The following SUPT20H variants were observed in gnomAD, a reference collection of about 807,000 sequenced individuals.
SUPT20H encodes the protein transcription factor SPT20 homolog.
In SUPT20H, 82 loss-of-function variants were observed where a neutral mutation model predicts 122.8. The observed-to-expected ratio is 0.67, with a 90% CI of 0.56 to 0.80. The LOEUF (loss-of-function observed/expected upper bound fraction) is 0.80. SUPT20H is among the 30% of genes least tolerant of loss of function. The pLI is 0.00. For synonymous variants in SUPT20H, 291 were observed against 313.0 expected (o/e 0.93, Z 0.74); for missense variants, 831 against 921.6 (o/e 0.90, Z 1.27).
rs1379777343 is a variant in SUPT20H at position 37,031,878 on chromosome 13, G to T, written c.725C>A (p.Ser242Tyr). ...TTGCTGCCGATTCAGAGAGGATCTG[G>T]AATACCTCTTGAAACACCTGAAATA... Reference protein sequence around the residue: ...RPMKRCFKRYSRSSLNRQQDL... With the variant: ...RPMKRCFKRYYRSSLNRQQDL... The change falls in exon 11 of 26, where the codon TCC (serine) becomes TAC (tyrosine). Residue 242 changes from serine (S) to tyrosine (Y), a missense_variant. Physicochemically the swap from Ser to Tyr is moderately radical, Grantham distance 144. Coordinates refer to ENST00000350612, the MANE Select transcript of SUPT20H (RefSeq NM_001014286.3). 1.3e-6 allele frequency: 2 copies of T among 1,591,478 alleles called. No individual in the cohort carries two copies.
Position 37,028,217 on chromosome 13 carries a change from G to C in SUPT20H, c.1082C>G (p.Pro361Arg), listed in dbSNP as rs1291313496. ...KLTILQSLGD[P>R]LYYGKIQPCK... ...TGGCTGTATTTTACCATAGTAAAGT[G>C]GATCTCCAAGCGACTGCAAGATGGT... Residue 361 changes from proline to arginine, a missense_variant, in exon 14 of 26, where the codon CCA (proline) becomes CGA (arginine). By Grantham distance (103) the Pro-to-Arg change is moderately radical (BLOSUM62 -2). Transcript: ENST00000350612. 6.2e-7 allele frequency: 1 copy of C among 1,613,354 alleles called. No individual in the cohort carries two copies. Among genetic ancestry groups the C allele is most frequent in the Non-Finnish European group, 8.5e-7 (1 of 1,179,690 alleles).
At chr13:37,040,323 G>A (rs1052212984) in intron 9 of SUPT20H, 82 bp downstream of exon 9, 1 of 1,197,186 alleles carries the variant, frequency 8.4e-7, no homozygotes, top group East Asian at 2.4e-5. Context: ...ATAAAAATAA[G>A]CAGAAAATCA....
chr13:37,009,581 GAC>G lies in SUPT20H; in HGVS notation c.*89_*90del, dbSNP rs778815592. 14 of 1,435,952 alleles carry G rather than the reference GAC, an allele frequency of 9.7e-6. No individual in the cohort carries two copies. The highest frequency in any genetic ancestry group is 1.7e-5 in the Admixed American group (1 of 58,910). 89.0% of individuals were successfully genotyped at this position (1,435,952 alleles called of 1,614,324 possible). A position where few individuals can be genotyped will look rare whatever the true frequency, so the allele number is the denominator to read the frequency against. ...TGTACATCTAGCAATGTAAAATACTGACACATTAAAAAAAACAAAAAGTAGAA... is the reference window on the plus strand; with the variant it reads ...TGTACATCTAGCAATGTAAAATACTGACATTAAAAAAAACAAAAAGTAGAA... On this transcript the variant is annotated 3_prime_UTR_variant, in exon 26 of 26. Transcript: ENST00000350612.
chr13:37,022,501 G>A lies in SUPT20H; in HGVS notation c.1592-421C>T, dbSNP rs1049170045. ...TGTTGCTACACTCAATTACAATTAAGGATGCAGTATATCACCTAAAAATCC... is the reference window on the plus strand; with the variant it reads ...TGTTGCTACACTCAATTACAATTAAAGATGCAGTATATCACCTAAAAATCC... On this transcript the variant is annotated intron_variant, in intron 19 of 25. Coordinates refer to ENST00000350612, the MANE Select transcript of SUPT20H (RefSeq NM_001014286.3). The surrounding 1 kb of genome is among the most constrained non-coding windows in gnomAD (Gnocchi z 4.5). The A allele has an allele frequency of 4.0e-6, 5 of 1,246,494 alleles. No individual in the cohort carries two copies. Among genetic ancestry groups the A allele is most frequent in the Non-Finnish European group, 5.0e-6 (5 of 996,810 alleles). The allele number at this position is 1,246,494 out of a possible 1,614,324, so 77.2% of individuals were successfully genotyped here.
At chr13:37,029,455 G>A (rs1350009266) in intron 13 of SUPT20H, among the ~76,000 whole-genome samples, 2 of 152,102 alleles carry the variant, frequency 1.3e-5, no homozygotes, top group African/African-American at 4.8e-5. Flanking sequence ...CTTGGACCTG[G>A]GAAGTGGAAG....
Position 37,031,860 on chromosome 13 carries a change from C to T in SUPT20H, c.743G>A (p.Arg248Gln), listed in dbSNP as rs1253932634. The change falls in exon 11 of 26, where the codon CGG (arginine) becomes CAG (glutamine). Residue 248 changes from arginine to glutamine, a missense_variant. Arg to Gln is a conservative substitution (Grantham distance 43, BLOSUM62 1). Transcript: ENST00000350612. ...FKRYSRSSLNRQQDLSHCPPP... is the reference protein window; with the variant it reads ...FKRYSRSSLNQQQDLSHCPPP... ...TGGACAATGAGATAGATCTTGCTGC[C>T]GATTCAGAGAGGATCTGGAATACCT... The T allele has an allele frequency of 5.0e-6, 8 of 1,602,142 alleles. No homozygotes were observed. The highest frequency in any genetic ancestry group is 6.0e-6 in the Non-Finnish European group (7 of 1,176,264).
intron 24 of SUPT20H, 149 bp downstream of exon 24, chr13:37,012,043 A>G (rs1185544189): frequency 3.6e-6 from 2 of 549,972 alleles, no homozygotes; most frequent in Non-Finnish European, 6.4e-6. Context: ...CTCAGCCATC[A>G]ATCAATTTAA....
Position 37,017,245 on chromosome 13 carries a change from C to G in SUPT20H, c.1992G>C (p.Gln664His), listed in dbSNP as rs761349133. 1.1e-5 allele frequency: 18 copies of G among 1,613,892 alleles called. No individual in the cohort carries two copies. Among genetic ancestry groups the G allele is most frequent in the Non-Finnish European group, 1.4e-5 (16 of 1,179,970 alleles). Reference protein sequence around the residue: ...TTCSPQQPGEQGSEQGSTSQE... With the variant: ...TTCSPQQPGEHGSEQGSTSQE... ...ATATGGAAGGCTAGAAAATCCATAC[C>G]TGCTCCCCTGGCTGTTGAGGACTAC... Residue 664 changes from glutamine to histidine, a missense_variant and splice_region_variant, in exon 23 of 26, where the codon CAG (glutamine) becomes CAC (histidine). Coordinates refer to ENST00000350612, the MANE Select transcript of SUPT20H (RefSeq NM_001014286.3).
Position 37,045,268 on chromosome 13 carries a change from G to T in SUPT20H, c.271C>A (p.Leu91Ile). The change falls in exon 6 of 26, where the codon CTC becomes ATC. Residue 91 changes from leucine to isoleucine, a missense_variant. Transcript: ENST00000350612. ...TTACCTGATCCGTTTTTTCCCCTGA[G>T]CATCAGAGAATATCCCTCATTTCCT... ...YPGNEGYSLM[L>I]RGKNGSDSET... 1 of 1,613,404 alleles carries T rather than the reference G, an allele frequency of 6.2e-7. No homozygotes were observed. Among genetic ancestry groups the T allele is most frequent in the Non-Finnish European group, 8.5e-7 (1 of 1,179,642 alleles).
intron 22 of SUPT20H, 68 bp downstream of exon 22, chr13:37,019,268 CATATAG>C: frequency 1.8e-6 from 2 of 1,105,930 alleles, no homozygotes; most frequent in Admixed American, 2.4e-5. Context: ...AGTGCTGATA[CATATAG>C]ATATACATTG....
At position 37,021,753 on chromosome 13, in the gene SUPT20H, T is replaced by C. The variant is rs1000006296; in HGVS notation, c.1662-151A>G. 2.0e-5 allele frequency: 22 copies of C among 1,087,110 alleles called. No individual in the cohort carries two copies. In the Admixed American group the frequency reaches 3.2e-4, roughly 16 times the overall value. 67.3% of individuals were successfully genotyped at this position (1,087,110 alleles called of 1,614,324 possible). A position where few individuals can be genotyped will look rare whatever the true frequency, so the allele number is the denominator to read the frequency against. The stretch of plus-strand genomic sequence containing the variant: ...CAAAGAAAGTAATGCAGAAGATAAA[T>C]AGGAAATTCTAAGCTGCTGTCAAGA... On this transcript the variant is annotated intron_variant, in intron 20 of 25. Transcript: ENST00000350612.
chr13:37,047,686 T>C, intron 4 of SUPT20H, 85 bp from the exon 5 acceptor site: 1 of 1,267,466 alleles, frequency 7.9e-7, no homozygotes, highest in Non-Finnish European at 1.0e-6. Context: ...TTTCCTAAAT[T>C]TTCACATTTT....
intron 10 of SUPT20H, among the ~76,000 whole-genome samples, chr13:37,032,827 G>A (rs1408148956): frequency 6.6e-6 from 1 of 152,134 alleles, no homozygotes; most frequent in Admixed American, 6.5e-5. Flanking sequence ...AAGATGCCGA[G>A]GGAGGAATAA....
chr13:37,025,349 T>G lies in SUPT20H; in HGVS notation c.1300A>C (p.Ser434Arg). The G allele has an allele frequency of 6.2e-7, 1 of 1,613,928 alleles. No homozygotes were observed. The highest frequency in any genetic ancestry group is 8.5e-7 in the Non-Finnish European group (1 of 1,179,826). ...SHSSSGSASL[S>R]QVSPGKETDQ... ...GTTTCTTTCCCTGGAGAAACCTGAC[T>G]CAGACTGGCTGAGCCACTGGAGCTG... The change falls in exon 17 of 26, where the codon AGT (serine) becomes CGT (arginine). Residue 434 changes from serine (S) to arginine (R), a missense_variant. By Grantham distance (110) the Ser-to-Arg change is moderately radical (BLOSUM62 -1). Coordinates refer to ENST00000350612, the MANE Select transcript of SUPT20H (RefSeq NM_001014286.3).
intron 19 of SUPT20H, among the ~76,000 whole-genome samples, chr13:37,023,263 T>G (rs1318007471): frequency 6.6e-6 from 1 of 152,170 alleles, no homozygotes; most frequent in African/African-American, 2.4e-5. Context: ...TTATATCTAA[T>G]GCGAAGACCA....
intron 1 of SUPT20H, among the ~76,000 whole-genome samples, chr13:37,057,803 G>A (rs959564601): frequency 6.6e-6 from 1 of 151,784 alleles, no homozygotes; most frequent in African/African-American, 2.4e-5. Context: ...GCGAAACCCC[G>A]TCTCTACTAA....
At chr13:37,056,556 A>C (rs1715699564) in intron 1 of SUPT20H, among the ~76,000 whole-genome samples, 1 of 151,776 alleles carries the variant, frequency 6.6e-6, no homozygotes, top group Non-Finnish European at 1.5e-5. Flanking sequence ...ATAGGTGAGA[A>C]TTGAGCAATG....
At chr13:37,056,509 G>A (rs889311159) in intron 1 of SUPT20H, among the ~76,000 whole-genome samples, 6 of 151,920 alleles carry the variant, frequency 3.9e-5, no homozygotes, top group African/African-American at 9.7e-5. Flanking sequence ...GCAAACTATC[G>A]CAAGGACAAA....
In SUPT20H at chr13:37,009,723, G is replaced by A; in HGVS notation, c.2289C>T (p.Ser763=). 6.2e-7 allele frequency: 1 copy of A among 1,613,958 alleles called. No individual in the cohort carries two copies. The highest frequency in any genetic ancestry group is 8.5e-7 in the Non-Finnish European group (1 of 1,179,964). ...CTCTCTTCATTTTACTTTTTGACTG[G>A]CTGCCTGTATGCCGATGATGATGTA... ...AQLHHHRHTG[S]QSKSKMKRGT... is the part of the protein sequence containing the mutation. Residue 763 remains serine, a synonymous_variant, in exon 26 of 26, where the codon AGC becomes AGT. Coordinates refer to ENST00000350612, the MANE Select transcript of SUPT20H (RefSeq NM_001014286.3).
Sources: allele counts gnomAD v4.1 joint callset (sites outside exome capture counted in the v4.1 genomes callset), GRCh38; gene constraint gnomAD v4.1.1; non-coding constraint Gnocchi (gnomAD v3.1); transcripts MANE v1.5; gene names NCBI Gene and HGNC (gene_info 2026-07-23, HGNC 2026-07-21).